The following PIGZ variants were observed in gnomAD, a reference collection of about 807,000 sequenced individuals.
PIGZ encodes GPI alpha-1,2-mannosyltransferase 4.
In PIGZ, 16 loss-of-function variants were observed where a neutral mutation model predicts 16.4. That is an observed-to-expected ratio of 0.97 (90% CI 0.66 to 1.48). The LOEUF (loss-of-function observed/expected upper bound fraction) is 1.48. Among genes scored for constraint, PIGZ ranks in the 40% most tolerant of loss-of-function variants. The pLI, the probability that PIGZ is intolerant of heterozygous loss-of-function variation, is 0.00. For missense variants in PIGZ, 770 were observed against 739.2 expected, an observed-to-expected ratio of 1.04 and a Z score of -0.48; for synonymous variants, 409 against 338.4, an observed-to-expected ratio of 1.21 and a Z score of -2.29.
intron 2 of PIGZ, among the ~76,000 whole-genome samples, chr3:196,950,660 C>T (rs1247639258): frequency 6.6e-6 from 1 of 152,084 alleles, no homozygotes; most frequent in Non-Finnish European, 1.5e-5. Context: ...AGCCTTTTAA[C>T]TTAAAAAACA....
chr3:196,956,650 C>G (rs1717501300), intron 1 of PIGZ, among the ~76,000 whole-genome samples: 1 of 152,212 alleles, frequency 6.6e-6, no homozygotes, highest in Admixed American at 6.5e-5. Flanking sequence ...TTCATATTTT[C>G]CATATCTTTA....
Position 196,951,842 on chromosome 3 carries a change from G to A in PIGZ, c.190C>T (p.Gln64Ter). The A allele has an allele frequency of 6.2e-7, 1 of 1,614,174 alleles. No homozygotes were observed. Reference protein sequence around the residue: ...TGYVHPDEFFQSPEVMAEDIL... With the variant: ...TGYVHPDEFF ...TTACCTGCCATCACCTCAGGGGACT[G>A]GAAGAACTCATCTGGGTGCACATAG... The change falls in exon 2 of 3, where the codon CAG (glutamine) becomes TAG (stop). Residue 64 changes from glutamine (Q) to a stop codon, truncating the protein, a stop_gained. Transcript: ENST00000412723. LOFTEE classifies it low-confidence loss of function (END_TRUNC).
Position 196,946,619 on chromosome 3 carries a change from TCA to T in PIGZ, c.*536_*537del, listed in dbSNP as rs1005064008. The stretch of plus-strand genomic sequence containing the variant: ...GTGAGTGGAAGGAGCTTTCTCAAGA[TCA>T]CACAGCGAGGAGGTGACAGACCAAG... On this transcript the variant is annotated 3_prime_UTR_variant, in exon 3 of 3. Coordinates refer to ENST00000412723, the MANE Select transcript of PIGZ (RefSeq NM_025163.4). The T allele has an allele frequency of 6.6e-6, 1 of 152,328 alleles. No homozygotes were observed. The highest frequency in any genetic ancestry group is 1.5e-5 in the Non-Finnish European group (1 of 68,156). 9.4% of individuals were successfully genotyped at this position (152,328 alleles called of 1,614,324 possible). A position where few individuals can be genotyped will look rare whatever the true frequency, so the allele number is the denominator to read the frequency against.
chr3:196,968,656 C>T (rs1201337574), intron 1 of PIGZ, 31 bp downstream of exon 1: 1 of 152,292 alleles, frequency 6.6e-6, no homozygotes, highest in Non-Finnish European at 1.5e-5. Flanking sequence ...ACCCGCTCCT[C>T]TGGAGCCGCT....
chr3:196,961,105 T>C (rs1717704089), intron 1 of PIGZ, among the ~76,000 whole-genome samples: 1 of 152,222 alleles, frequency 6.6e-6, no homozygotes. Context: ...TAGTATTCCA[T>C]GCTCATTCAC....
chr3:196,946,401 C>G lies in PIGZ; in HGVS notation c.*756G>C, dbSNP rs1213685608. The G allele has an allele frequency of 1.3e-5, 2 of 152,256 alleles. No homozygotes were observed. The highest frequency in any genetic ancestry group is 2.9e-5 in the Non-Finnish European group (2 of 68,050). 9.4% of individuals were successfully genotyped at this position (152,256 alleles called of 1,614,324 possible). ...CAAACATTACTTGTTTGCATAATAA[C>G]CAAACACTGAGACAGCAGGCATCAG... is the stretch of plus-strand genomic sequence containing the variant. On this transcript the variant is annotated 3_prime_UTR_variant, in exon 3 of 3. Coordinates refer to ENST00000412723, the MANE Select transcript of PIGZ (RefSeq NM_025163.4).
rs1271883666 is a variant in PIGZ, at chr3:196,946,561, C to G, written c.*596G>C. 2.0e-5 allele frequency: 3 copies of G among 152,254 alleles called. No homozygotes were observed. Among genetic ancestry groups the G allele is most frequent in the African/African-American group, 7.2e-5 (3 of 41,418 alleles). The allele number at this position is 152,254 out of a possible 1,614,324, so 9.4% of individuals were successfully genotyped here. A position where few individuals can be genotyped will look rare whatever the true frequency, so the allele number is the denominator to read the frequency against. ...GTTAGCCGGCAGACACCTCAAAGTT[C>G]CTCTGATCCCAACAGACTGGGAAGT... On this transcript the variant is annotated 3_prime_UTR_variant, in exon 3 of 3. Coordinates refer to ENST00000412723, the MANE Select transcript of PIGZ (RefSeq NM_025163.4).
At chr3:196,960,309 C>T (rs575464276) in intron 1 of PIGZ, among the ~76,000 whole-genome samples, 5 of 152,318 alleles carry the variant, frequency 3.3e-5, no homozygotes, top group Non-Finnish European at 5.9e-5. Flanking sequence ...TTGTACTGAA[C>T]CTTCACCATT....
intron 1 of PIGZ, among the ~76,000 whole-genome samples, chr3:196,956,698 C>A (rs1047017468): frequency 1.3e-5 from 2 of 152,184 alleles, no homozygotes; most frequent in Non-Finnish European, 2.9e-5. Context: ...TCTGTTCTAT[C>A]TTCCATGTCT....
intron 2 of PIGZ, among the ~76,000 whole-genome samples, chr3:196,948,998 TTA>T (rs200091772): frequency 0.015 from 577 of 37,856 alleles, 157 homozygotes; most frequent in African/African-American, 0.14. Context: ...TTCCTTCCCT[TTA>T]CTTCTCTTTC....
In PIGZ at chr3:196,948,263, G is replaced by A. The variant is rs141152845; in HGVS notation, c.634C>T (p.Arg212Cys). ...RKEPAPGPRW[R>C]SWLLGGIVAA... ...ACAATGCCTCCAAGAAGCCAGCTGC[G>A]CCACCGTGGACCCGGCGCCGGCTCC... Residue 212 changes from arginine (R) to cysteine (C), a missense_variant, in exon 3 of 3, where the codon CGC (arginine) becomes TGC (cysteine). Transcript: ENST00000412723. 1.9e-4 allele frequency: 312 copies of A among 1,614,134 alleles called. No homozygotes were observed. The highest frequency in any genetic ancestry group is 3.3e-4 in the Middle Eastern group (2 of 6,062).
At chr3:196,966,711 C>T (rs115827869) in intron 1 of PIGZ, among the ~76,000 whole-genome samples, 139 of 152,364 alleles carry the variant, frequency 9.1e-4, no homozygotes, top group African/African-American at 3.2e-3. Context: ...GAGGAGCTGT[C>T]CATGTGGCTG....
intron 2 of PIGZ, among the ~76,000 whole-genome samples, chr3:196,949,265 T>C (rs1313455048): frequency 6.6e-6 from 1 of 151,860 alleles, no homozygotes; most frequent in Non-Finnish European, 1.5e-5. Context: ...AGGTTACTTA[T>C]ACAGGAGCAC....
chr3:196,947,201 C>A lies in PIGZ; in HGVS notation c.1696G>T (p.Asp566Tyr), dbSNP rs765686173. The stretch of plus-strand genomic sequence containing the variant: ...TCCACAATGTGAAGACTGAGGTGGT[C>A]CCTCCAAGCCCCACTCAGCAAGGAG... ...LSSLLSGAWRDHLSLHIVELG... is the reference protein window; with the variant it reads ...LSSLLSGAWRYHLSLHIVELG... The change falls in exon 3 of 3, where the codon GAC (aspartate) becomes TAC (tyrosine). Residue 566 changes from aspartate to tyrosine, a missense_variant. Asp to Tyr is a radical substitution (Grantham distance 160, BLOSUM62 -3). Transcript: ENST00000412723. The A allele has an allele frequency of 6.3e-7, 1 of 1,581,246 alleles. No individual in the cohort carries two copies. The highest frequency in any genetic ancestry group is 2.2e-5 in the East Asian group (1 of 44,584).
intron 1 of PIGZ, among the ~76,000 whole-genome samples, chr3:196,963,558 TCA>T (rs931534506): frequency 3.9e-5 from 6 of 152,380 alleles, no homozygotes; most frequent in Non-Finnish European, 5.9e-5. Flanking sequence ...TTCCAGAAGT[TCA>T]CCAGCAGACT....
At chr3:196,964,511 C>T (rs1717851692) in intron 1 of PIGZ, among the ~76,000 whole-genome samples, 1 of 152,058 alleles carries the variant, frequency 6.6e-6, no homozygotes, top group Non-Finnish European at 1.5e-5. Context: ...GCACGCATCA[C>T]CACGCCTGGC....
At position 196,948,394 on chromosome 3, in the gene PIGZ, G is replaced by C. The variant is rs762772708; in HGVS notation, c.503C>G (p.Thr168Ser). The C allele has an allele frequency of 6.2e-6, 10 of 1,614,042 alleles. No individual in the cohort carries two copies. The highest frequency in any genetic ancestry group is 8.5e-6 in the Non-Finnish European group (10 of 1,180,034). ...ALALLSGSYV[T>S]LVFYTRTFSN... Reference sequence around the variant, plus strand: ...GAAGGTCCTTGTGTAGAAGACCAGGGTGACGTAGGAACCAGACAGCAGGGC... The same window carrying C: ...GAAGGTCCTTGTGTAGAAGACCAGGCTGACGTAGGAACCAGACAGCAGGGC... Residue 168 changes from threonine to serine, a missense_variant, in exon 3 of 3, where the codon ACC becomes AGC. Thr to Ser is a moderately conservative substitution (Grantham distance 58). Transcript: ENST00000412723.
intron 2 of PIGZ, among the ~76,000 whole-genome samples, chr3:196,950,752 TTTC>T (rs1193487231): frequency 2.6e-5 from 4 of 151,550 alleles, no homozygotes; most frequent in Non-Finnish European, 5.9e-5. Context: ...GACTTTTTTT[TTTC>T]TTTTTTTGAG....
At chr3:196,954,356 C>G (rs1717401570) in intron 1 of PIGZ, among the ~76,000 whole-genome samples, 1 of 152,198 alleles carries the variant, frequency 6.6e-6, no homozygotes, top group Non-Finnish European at 1.5e-5. Context: ...TGCTATCAAA[C>G]ATTAGAAATT....
Sources: gnomAD v4.1 joint callset for allele counts (sites outside exome capture counted in the v4.1 genomes callset) on GRCh38, gnomAD v4.1.1 for gene constraint, MANE v1.5 for transcripts, NCBI Gene and HGNC (gene_info 2026-07-23, HGNC 2026-07-21) for gene names.